The following PIDD1 variants were observed in gnomAD, a reference collection of about 807,000 sequenced individuals.
The protein encoded by PIDD1 is p53-induced death domain protein 1, also known as p53-induced death domain-containing protein 1.
In PIDD1, 72 loss-of-function variants were observed where a neutral mutation model predicts 80.0. That is an observed-to-expected ratio of 0.90 (90% CI 0.74 to 1.09). PIDD1 has a LOEUF of 1.09. Ranked by LOEUF, PIDD1 falls within the 50% of genes least tolerant of loss-of-function variation. The pLI, the probability that PIDD1 is intolerant of heterozygous loss-of-function variation, is 0.00. For synonymous variants in PIDD1, 655 were observed against 543.5 expected (o/e 1.21, Z -2.85); for missense variants, 1,329 against 1,228.3 (o/e 1.08, Z -1.23).
Position 799,516 on chromosome 11 carries a change from G to A in PIDD1, c.2524C>T (p.Arg842Cys), listed in dbSNP as rs376413487. 111 of 1,605,768 alleles carry A rather than the reference G, an allele frequency of 6.9e-5. No individual in the cohort carries two copies. The highest frequency in any genetic ancestry group is 5.9e-4 in the African/African-American group (44 of 75,048). ...ACAGCCCCTGGCTGCCCAGCCTGGC[G>A]CTCAGCCCAGGAGAAGAGCATGTGA... ...IRHMLFSWAERQAGQPGAVGL... is the reference protein window; with the variant it reads ...IRHMLFSWAECQAGQPGAVGL... The change falls in exon 16 of 16, where the codon CGC (arginine) becomes TGC (cysteine). Residue 842 changes from arginine to cysteine, a missense_variant. Transcript: ENST00000347755.
In PIDD1 at chr11:804,396, C is replaced by A; in HGVS notation, c.-8G>T. 6.3e-7 allele frequency: 1 copy of A among 1,580,224 alleles called. No individual in the cohort carries two copies. The highest frequency in any genetic ancestry group is 8.6e-7 in the Non-Finnish European group (1 of 1,161,492). ...CTCCACCGTTGCAGCCATCGCCCAC[C>A]GACGGTCCTTGGAGGCCAGACATGT... On this transcript the variant is annotated 5_prime_UTR_variant, in exon 2 of 16. Coordinates refer to ENST00000347755, the MANE Select transcript of PIDD1 (RefSeq NM_145886.4).
chr11:808,966 T>C (rs1390885319), upstream of PIDD1, among the ~76,000 whole-genome samples: 2 of 152,236 alleles, frequency 1.3e-5, no homozygotes, highest in Non-Finnish European at 2.9e-5. Context: ...ACCCTGTTCC[T>C]GGTGCTCGCC....
intron 14 of PIDD1, 51 bp from the exon 15 acceptor site, chr11:800,065 C>T: frequency 6.2e-7 from 1 of 1,605,734 alleles, no homozygotes; most frequent in Non-Finnish European, 8.5e-7. Flanking sequence ...CCCAACTCCA[C>T]CATGTCACCC....
At chr11:805,562 G>T, upstream of PIDD1, 1 of 949,068 alleles carries the variant, frequency 1.1e-6, no homozygotes, top group Non-Finnish European at 1.3e-6. Context: ...CCGGCCCCAG[G>T]TGCGTTCCCA....
At chr11:807,857 C>T (rs2133826125), upstream of PIDD1, among the ~76,000 whole-genome samples, 1 of 152,268 alleles carries the variant, frequency 6.6e-6, no homozygotes, top group Middle Eastern at 3.4e-3. Context: ...ATCTATGTTC[C>T]CAGGACGCAA....
In PIDD1 at chr11:800,450, G is replaced by A. The variant is rs201543505; in HGVS notation, c.2043C>T (p.Asp681=). ...TTCTGCCCTCCACACAGTCAGGGCGGTCTAGGGGACAGGGGTGGGCTGAGC... is the reference window on the plus strand; with the variant it reads ...TTCTGCCCTCCACACAGTCAGGGCGATCTAGGGGACAGGGGTGGGCTGAGC... The part of the protein sequence containing the change: ...AFERGIDVDA[D]RPDCVEGRIC... Residue 681 remains aspartate, a splice_region_variant and synonymous_variant, in exon 13 of 16, where the codon GAC becomes GAT. Transcript: ENST00000347755. 75 of 1,453,650 alleles carry A rather than the reference G, an allele frequency of 5.2e-5. No homozygotes were observed. The highest frequency in any genetic ancestry group is 1.7e-4 in the South Asian group (14 of 84,498). 90.0% of individuals were successfully genotyped at this position (1,453,650 alleles called of 1,614,324 possible). A position where few individuals can be genotyped will look rare whatever the true frequency, so the allele number is the denominator to read the frequency against.
rs1027981842 is a variant in PIDD1 at position 802,843 on chromosome 11, G to A, written c.758C>T (p.Ala253Val). The A allele has an allele frequency of 1.3e-6, 2 of 1,591,992 alleles. No individual in the cohort carries two copies. Among genetic ancestry groups the A allele is most frequent in the Non-Finnish European group, 1.7e-6 (2 of 1,170,128 alleles). ...RLLVLHSNLL[A>V]SVPADLARLP... ...GCGGGCCAAGTCAGCTGGCACAGAG[G>A]CCAGGAGGTTGCTGTGCAGGACAAG... Residue 253 changes from alanine to valine, a missense_variant, in exon 4 of 16, where the codon GCC becomes GTC. By Grantham distance (64) the Ala-to-Val change is moderately conservative. Coordinates refer to ENST00000347755, the MANE Select transcript of PIDD1 (RefSeq NM_145886.4).
chr11:807,796 G>A (rs80033170), upstream of PIDD1, among the ~76,000 whole-genome samples: 2,634 of 152,150 alleles, frequency 0.017, 82 homozygotes, highest in African/African-American at 0.06. Context: ...TAAATAAATA[G>A]AATCCACTTA....
chr11:807,803 C>T (rs1233924779), upstream of PIDD1, among the ~76,000 whole-genome samples: 1 of 152,090 alleles, frequency 6.6e-6, no homozygotes, highest in African/African-American at 2.4e-5. Context: ...ATAGAATCCA[C>T]TTATAACTGC....
intron 7 of PIDD1, 52 bp downstream of exon 7, chr11:801,913 G>A (rs1423932798): frequency 1.9e-6 from 3 of 1,585,314 alleles, no homozygotes; most frequent in African/African-American, 1.3e-5. Context: ...GAGGTGCACG[G>A]CTCAGGGCAG....
Position 804,369 on chromosome 11 carries a change from C to A in PIDD1, c.20G>T (p.Gly7Val). Residue 7 changes from glycine (G) to valine (V), a missense_variant, in exon 2 of 16, where the codon GGG becomes GTG. Coordinates refer to ENST00000347755, the MANE Select transcript of PIDD1 (RefSeq NM_145886.4). MAATVE[G>V]PELEAAAAAG... ...GGCAGCAGCTGCCTCCAGCTCTGGCCCCTCCACCGTTGCAGCCATCGCCCA... is the reference window on the plus strand; with the variant it reads ...GGCAGCAGCTGCCTCCAGCTCTGGCACCTCCACCGTTGCAGCCATCGCCCA... The A allele has an allele frequency of 1.3e-6, 2 of 1,598,098 alleles. No individual in the cohort carries two copies. The highest frequency in any genetic ancestry group is 1.7e-6 in the Non-Finnish European group (2 of 1,170,342).
rs781023813 is a variant in PIDD1, at chr11:800,865, C to T, written c.1814G>A (p.Arg605Gln). ...CAGCCGCAGCCGCTCCCAGGCCTTC[C>T]GAGCCAGGCCTCCCACACAGTTCTT... The part of the protein sequence containing the change: ...TTKNCVGGLA[R>Q]KAWERLRLHR... Residue 605 changes from arginine (R) to glutamine (Q), a missense_variant, in exon 11 of 16, where the codon CGG becomes CAG. Transcript: ENST00000347755. 7.0e-5 allele frequency: 110 copies of T among 1,581,266 alleles called. No individual in the cohort carries two copies. Among genetic ancestry groups the T allele is most frequent in the Non-Finnish European group, 8.3e-5 (97 of 1,164,288 alleles).
chr11:799,614 A>AC (rs771445873), intron 15 of PIDD1, 49 bp from the exon 16 acceptor site: 131 of 1,520,964 alleles, frequency 8.6e-5, no homozygotes, highest in Admixed American at 3.5e-4. Context: ...CCTGCCCAGG[A>AC]CCCCCCACCA....
At position 801,576 on chromosome 11, in the gene PIDD1, C is replaced by T. The variant is rs1284215918; in HGVS notation, c.1351G>A (p.Val451Ile). Residue 451 changes from valine to isoleucine, a missense_variant, in exon 8 of 16, where the codon GTT becomes ATT. Val to Ile is a conservative substitution (Grantham distance 29). Coordinates refer to ENST00000347755, the MANE Select transcript of PIDD1 (RefSeq NM_145886.4). ...CAGGCATTGGACACAGGGCGGGAAA[C>T]CACAAGGAACCAGGAGAAGTGGGGC... Reference protein sequence around the residue: ...QVPHFSWFLVVSRPVSNACLV... With the variant: ...QVPHFSWFLVISRPVSNACLV... 2.6e-6 allele frequency: 4 copies of T among 1,568,212 alleles called. No homozygotes were observed. In the East Asian group the frequency reaches 7.1e-5, roughly 28 times the overall value.
At chr11:799,695 C>A in intron 15 of PIDD1, 120 bp downstream of exon 15, 6 of 1,383,802 alleles carry the variant, frequency 4.3e-6, no homozygotes, top group Non-Finnish European at 5.7e-6. Context: ...TCCTTTCCAG[C>A]CTGGTGTTTG....
At chr11:802,427 G>A in intron 5 of PIDD1, 31 bp from the exon 6 acceptor site, 1 of 1,603,046 alleles carries the variant, frequency 6.2e-7, no homozygotes, top group Non-Finnish European at 8.5e-7. Context: ...CAACAGGTTA[G>A]ACCCAGAAGG....
At position 801,538 on chromosome 11, in the gene PIDD1, C is replaced by CGGTGGCACCAGGCAGGCATTGGACACAG; in HGVS notation, c.1361_1388dup (p.Glu464CysfsTer32). 1 of 1,566,862 alleles carries CGGTGGCACCAGGCAGGCATTGGACACAG rather than the reference C, an allele frequency of 6.4e-7. No homozygotes were observed. Among genetic ancestry groups the CGGTGGCACCAGGCAGGCATTGGACACAG allele is most frequent in the Non-Finnish European group, 8.7e-7 (1 of 1,155,874 alleles). On this transcript the variant is annotated frameshift_variant, in exon 8 of 16. Coordinates refer to ENST00000347755, the MANE Select transcript of PIDD1 (RefSeq NM_145886.4). LOFTEE classifies it high-confidence loss of function. ...CCGAGGAGCACAGCAGTGTCCCCTC[C>CGGTGGCACCAGGCAGGCATTGGACACAG]GGTGGCACCAGGCAGGCATTGGACA...
At position 799,955 on chromosome 11, in the gene PIDD1, A is replaced by C. The variant is rs765994901; in HGVS notation, c.2334T>G (p.Asn778Lys). Residue 778 changes from asparagine to lysine, a missense_variant, in exon 15 of 16, where the codon AAT (asparagine) becomes AAG (lysine). By Grantham distance (94) the Asn-to-Lys change is moderately conservative (BLOSUM62 0). Transcript: ENST00000347755. ...GAAAGCCGGTCTCGGCATCTCCCAG[A>C]TTCAAGGGTGCCAAGGAGAGGCCAG... ...RGAGLSLAPL[N>K]LGDAETGFLT... The C allele has an allele frequency of 3.1e-6, 5 of 1,612,812 alleles. No individual in the cohort carries two copies. The South Asian group carries it at 5.5e-5, about 18-fold the overall frequency.
upstream of PIDD1, among the ~76,000 whole-genome samples, chr11:806,356 C>T (rs993904130): frequency 6.6e-6 from 1 of 151,348 alleles, no homozygotes; most frequent in Admixed American, 6.6e-5. Context: ...TACCCCCGAG[C>T]GGGCCTGTGC....
Sources: gnomAD v4.1 joint callset for allele counts (sites outside exome capture counted in the v4.1 genomes callset) on GRCh38, gnomAD v4.1.1 for gene constraint, MANE v1.5 for transcripts, NCBI Gene and HGNC (gene_info 2026-07-23, HGNC 2026-07-21) for gene names.